OTOA: variants seen among roughly 807,000 people sequenced by gnomAD.
OTOA encodes the protein cancer/testis antigen 108.
In OTOA, 70 loss-of-function variants were observed where a neutral mutation model predicts 110.8. That is an observed-to-expected ratio of 0.63 (90% CI 0.52 to 0.77). The LOEUF (loss-of-function observed/expected upper bound fraction) is 0.77. Ranked by LOEUF, OTOA falls within the 30% of genes least tolerant of loss-of-function variation. The pLI is 0.00. For synonymous variants in OTOA, 373 were observed against 431.5 expected, an observed-to-expected ratio of 0.86 and a Z score of 1.68; for missense variants, 917 against 1,075.8, an observed-to-expected ratio of 0.85 and a Z score of 2.06.
At chr16:21,690,398 T>C (rs567263166) in intron 8 of OTOA, among the ~76,000 whole-genome samples, 1 of 144,548 alleles carries the variant, frequency 6.9e-6, no homozygotes, top group African/African-American at 2.5e-5. Flanking sequence ...CCTGTGTCCA[T>C]GTGATCTCAT....
At chr16:21,726,047 T>C (rs8054843) in intron 18 of OTOA, among the ~76,000 whole-genome samples, 2,481 of 152,298 alleles carry the variant, frequency 0.016, 39 homozygotes, top group African/African-American at 0.041. Context: ...TTTTCTTATC[T>C]TTCTTTCTCA....
chr16:21,756,421 C>T (rs1899987460), intron 27 of OTOA, among the ~76,000 whole-genome samples: 1 of 152,132 alleles, frequency 6.6e-6, no homozygotes, highest in African/African-American at 2.4e-5. Flanking sequence ...TTCTCTATGC[C>T]GTCTCACATT....
intron 1 of OTOA, among the ~76,000 whole-genome samples, chr16:21,675,554 T>C (rs1966856209): frequency 6.6e-6 from 1 of 152,074 alleles, no homozygotes; most frequent in Admixed American, 6.6e-5. Context: ...GCCCTCTTAA[T>C]TTTTTCAGTC....
intron 13 of OTOA, 60 bp downstream of exon 13, chr16:21,710,163 T>A (rs1898313741): frequency 7.0e-7 from 1 of 1,430,594 alleles, no homozygotes; most frequent in Admixed American, 2.0e-5. Flanking sequence ...GTATTAGACC[T>A]GCCAGGCTGC....
intron 9 of OTOA, among the ~76,000 whole-genome samples, chr16:21,695,891 A>ATATATATATATATATTT (rs569493650): frequency 4.8e-5 from 2 of 41,896 alleles, no homozygotes; most frequent in African/African-American, 2.9e-4. Context: ...ATATATATAT[A>ATATATATATATATATTT]TTTTTTTTTT....
At position 21,687,484 on chromosome 16, in the gene OTOA, C is replaced by A. The variant is rs764630298; in HGVS notation, c.471C>A (p.Arg157=). 2 of 1,614,042 alleles carry A rather than the reference C, an allele frequency of 1.2e-6. No individual in the cohort carries two copies. The highest frequency in any genetic ancestry group is 1.7e-6 in the Non-Finnish European group (2 of 1,180,014). Residue 157 remains arginine, a synonymous_variant, in exon 8 of 29, where the codon CGC becomes CGA. Coordinates refer to ENST00000646100, the MANE Select transcript of OTOA (RefSeq NM_144672.4). ...ERALQSPGVN[R]SLFLITLERC... ...CCTTGCAGAGCCCTGGCGTGAACCG[C>A]AGCCTGTTTCTCATCACACTGGAGA... is the stretch of plus-strand genomic sequence containing the variant.
chr16:21,708,606 G>A (rs951370713), intron 12 of OTOA, among the ~76,000 whole-genome samples: 5 of 152,142 alleles, frequency 3.3e-5, no homozygotes, highest in Non-Finnish European at 7.3e-5. Flanking sequence ...CCACCCCTTC[G>A]TTTTACAGAT....
Position 21,678,513 on chromosome 16 carries a change from G to A in OTOA, c.-2G>A. 2 of 1,611,900 alleles carry A rather than the reference G, an allele frequency of 1.2e-6. No individual in the cohort carries two copies. The highest frequency in any genetic ancestry group is 1.7e-6 in the Non-Finnish European group (2 of 1,178,596). The stretch of plus-strand genomic sequence containing the variant: ...TTCTATGCTTAAATTAACTACAGGA[G>A]AATGTCTCAGGAACCTACGACATAC... On this transcript the variant is annotated splice_region_variant and 5_prime_UTR_variant, in exon 2 of 29. Transcript: ENST00000646100.
At chr16:21,665,552 A>C (rs117030161) in intron 1 of OTOA, among the ~76,000 whole-genome samples, 7 of 152,218 alleles carry the variant, frequency 4.6e-5, no homozygotes, top group Non-Finnish European at 1.0e-4. Flanking sequence ...TCATCTGTGA[A>C]ACTGAGTACG....
At chr16:21,723,085 C>G in intron 18 of OTOA, 107 bp downstream of exon 18, 1 of 1,152,152 alleles carries the variant, frequency 8.7e-7, no homozygotes, top group East Asian at 2.4e-5. Flanking sequence ...GAACCAGAGG[C>G]AGAGTGGAGG....
At chr16:21,694,296 A>G (rs1897889848) in intron 9 of OTOA, among the ~76,000 whole-genome samples, 1 of 152,040 alleles carries the variant, frequency 6.6e-6, no homozygotes. Context: ...TTTAAAAAAT[A>G]GCCGGTGTCC....
At chr16:21,675,940 T>G (rs1344954231) in intron 1 of OTOA, among the ~76,000 whole-genome samples, 1 of 152,186 alleles carries the variant, frequency 6.6e-6, no homozygotes, top group African/African-American at 2.4e-5. Context: ...ATTAAAAAAT[T>G]TCTTTGAGAC....
intron 4 of OTOA, 53 bp from the exon 5 acceptor site, chr16:21,679,131 C>A: frequency 6.2e-7 from 1 of 1,613,058 alleles, no homozygotes; most frequent in South Asian, 1.1e-5. Flanking sequence ...TAGCTGTGAT[C>A]TCTCTGGAAT....
chr16:21,688,169 C>G (rs1317192343), intron 8 of OTOA, among the ~76,000 whole-genome samples: 1 of 151,930 alleles, frequency 6.6e-6, no homozygotes, highest in Non-Finnish European at 1.5e-5. Context: ...GTGGGTGGAT[C>G]ATGATGTCAG....
chr16:21,722,802 T>C, intron 17 of OTOA, 103 bp from the exon 18 acceptor site: 1 of 1,023,304 alleles, frequency 9.8e-7, no homozygotes. Context: ...ATTGCATAAA[T>C]GAACACGTAT....
At chr16:21,677,689 A>G (rs1966861940) in intron 1 of OTOA, among the ~76,000 whole-genome samples, 1 of 151,732 alleles carries the variant, frequency 6.6e-6, no homozygotes, top group Admixed American at 6.6e-5. Flanking sequence ...TCACCGTGTT[A>G]GCCAGGATGG....
intron 11 of OTOA, among the ~76,000 whole-genome samples, chr16:21,703,645 A>C (rs1457945212): frequency 6.6e-6 from 1 of 152,152 alleles, no homozygotes. Flanking sequence ...AGTTAAGCAG[A>C]TCTCTTTTCC....
chr16:21,693,695 G>A (rs559437432), intron 9 of OTOA, among the ~76,000 whole-genome samples: 1 of 152,178 alleles, frequency 6.6e-6, no homozygotes, highest in East Asian at 1.9e-4. Flanking sequence ...GATTCTCTCA[G>A]CTCCTGAATA....
chr16:21,674,640 TG>T lies in OTOA; in HGVS notation c.-4-3869del, dbSNP rs1279460318. Among the ~76,000 whole-genome samples the T allele has an allele frequency of 7.0e-5, 10 of 143,128 alleles. No individual in the cohort carries two copies. The East Asian group carries it at 8.8e-4, about 13-fold the overall frequency. The allele number at this position is 143,128 out of a possible 152,430, so 93.9% of individuals were successfully genotyped here. ...TGATTCACTGCGCCTGGCTTCATTATGGTTTTTTTTTTTTTATTTTAGCCAT... is the reference window on the plus strand; with the variant it reads ...TGATTCACTGCGCCTGGCTTCATTATGTTTTTTTTTTTTTATTTTAGCCAT... On this transcript the variant is annotated intron_variant, in intron 1 of 28. Transcript: ENST00000646100.
Sources: gnomAD v4.1 joint callset for allele counts (sites outside exome capture counted in the v4.1 genomes callset) on GRCh38, gnomAD v4.1.1 for gene constraint, MANE v1.5 for transcripts, NCBI Gene and HGNC (gene_info 2026-07-23, HGNC 2026-07-21) for gene names.